The following COPB1 variants were observed in gnomAD, a reference collection of about 807,000 sequenced individuals.
The protein encoded by COPB1 is coat protein complex I subunit beta 1.
Under a neutral mutation model 108.7 loss-of-function variants are expected in COPB1, and 21 were observed. The ratio of observed to expected loss-of-function variants is 0.19; its 90% CI spans 0.14 to 0.28. The LOEUF is 0.28. COPB1 is among the 10% of genes least tolerant of loss of function. The pLI, the probability that COPB1 is intolerant of heterozygous loss-of-function variation, is 1.00. For missense variants in COPB1, 919 were observed against 1,141.3 expected (o/e 0.81, Z 2.81); for synonymous variants, 378 against 386.8 (o/e 0.98, Z 0.27).
At chr11:14,487,116 T>C (rs925106398) in intron 6 of COPB1, among the ~76,000 whole-genome samples, 1 of 152,234 alleles carries the variant, frequency 6.6e-6, no homozygotes, top group African/African-American at 2.4e-5. Flanking sequence ...TATTCAACAT[T>C]GGAGAGAAAA....
In COPB1 at chr11:14,488,477, G is replaced by C; in HGVS notation, c.699+15C>G. The C allele has an allele frequency of 6.4e-7, 1 of 1,551,608 alleles. No individual in the cohort carries two copies. Reference sequence around the variant, plus strand: ...TGCTGAGTTTATTTTACTCATCATAGATTATCATTCTTACCTTATAAATCA... The same window carrying C: ...TGCTGAGTTTATTTTACTCATCATACATTATCATTCTTACCTTATAAATCA... On this transcript the variant is annotated intron_variant, in intron 6 of 21. Coordinates refer to ENST00000439561, the MANE Select transcript of COPB1 (RefSeq NM_001144061.2).
At chr11:14,491,416 T>A (rs895602299) in intron 4 of COPB1, among the ~76,000 whole-genome samples, 4 of 151,636 alleles carry the variant, frequency 2.6e-5, no homozygotes, top group African/African-American at 9.7e-5. Flanking sequence ...ACACCTGTAA[T>A]CCCAGCACTT....
Position 14,486,392 on chromosome 11 carries a change from A to G in COPB1, c.812T>C (p.Leu271Pro). 1 of 1,614,150 alleles carries G rather than the reference A, an allele frequency of 6.2e-7. No homozygotes were observed. The highest frequency in any genetic ancestry group is 8.5e-7 in the Non-Finnish European group (1 of 1,180,010). ...KYEAAGTLVTLSSAPTAIKAA... is the reference protein window; with the variant it reads ...KYEAAGTLVTPSSAPTAIKAA... ...CTTGATTGCAGTTGGTGCACTAGAG[A>G]GTGTCACTAATGTCCCAGCAGCTTC... The change falls in exon 7 of 22, where the codon CTC becomes CCC. Residue 271 changes from leucine (L) to proline (P), a missense_variant. Around this residue, in one of 5 missense-constraint regions of COPB1, gnomAD observed 705 missense variants for 817.8 expected, o/e 0.86. Transcript: ENST00000439561.
At chr11:14,460,034 T>C (rs1272295085) in intron 20 of COPB1, 174 bp downstream of exon 20, 8 of 523,498 alleles carry the variant, frequency 1.5e-5, no homozygotes, top group East Asian at 1.3e-4. Flanking sequence ...TAGGATGGTA[T>C]AGTCCAATAG....
intron 17 of COPB1, 67 bp from the exon 18 acceptor site, chr11:14,465,097 A>ACG: frequency 7.0e-7 from 1 of 1,437,466 alleles, no homozygotes; most frequent in East Asian, 2.3e-5. Context: ...ACACACACAC[A>ACG]CACACACACA....
chr11:14,491,132 G>A (rs765216962), intron 4 of COPB1, among the ~76,000 whole-genome samples: 2 of 151,696 alleles, frequency 1.3e-5, no homozygotes, highest in South Asian at 2.1e-4. Context: ...TGCAACCTCC[G>A]CCTTCTAGGT....
intron 9 of COPB1, 28 bp from the exon 10 acceptor site, chr11:14,480,933 G>T: frequency 6.2e-7 from 1 of 1,613,374 alleles, no homozygotes; most frequent in Non-Finnish European, 8.5e-7. Flanking sequence ...AAATAAGTGA[G>T]AGTTACATCA....
chr11:14,493,582 A>G, intron 4 of COPB1, 60 bp downstream of exon 4: 1 of 1,383,344 alleles, frequency 7.2e-7, no homozygotes, highest in Non-Finnish European at 9.7e-7. Flanking sequence ...CTTTGGAACC[A>G]CTAGTCTAAA....
chr11:14,475,842 G>C lies in COPB1; in HGVS notation c.1559C>G (p.Thr520Ser). 4 of 1,613,552 alleles carry C rather than the reference G, an allele frequency of 2.5e-6. No homozygotes were observed. Among genetic ancestry groups the C allele is most frequent in the Non-Finnish European group, 3.4e-6 (4 of 1,179,808 alleles). Residue 520 changes from threonine (T) to serine (S), a missense_variant, in exon 13 of 22, where the codon ACC becomes AGC. By Grantham distance (58) the Thr-to-Ser change is moderately conservative (BLOSUM62 1). This residue lies in a region of COPB1 where 705 missense variants were observed against 817.8 expected (regional missense o/e 0.86). Coordinates refer to ENST00000439561, the MANE Select transcript of COPB1 (RefSeq NM_001144061.2). Reference sequence around the variant, plus strand: ...GCTAAGGGCACTCTGAGTTGCATAGGTACCCATTTCAGTAACCAATTTCTG... The same window carrying C: ...GCTAAGGGCACTCTGAGTTGCATAGCTACCCATTTCAGTAACCAATTTCTG... ...PVQKLVTEMG[T>S]YATQSALSSS...
At chr11:14,482,426 C>T (rs557222101) in intron 8 of COPB1, among the ~76,000 whole-genome samples, 3 of 152,018 alleles carry the variant, frequency 2.0e-5, no homozygotes, top group Non-Finnish European at 2.9e-5. Context: ...TAATTTTCCA[C>T]GAAATGTAAA....
chr11:14,483,624 A>G (rs1850709520), intron 7 of COPB1, among the ~76,000 whole-genome samples: 1 of 152,174 alleles, frequency 6.6e-6, no homozygotes, highest in African/African-American at 2.4e-5. Context: ...AGTATTTATA[A>G]TAACTATTAA....
At chr11:14,464,436 T>A (rs1342447921) in intron 18 of COPB1, among the ~76,000 whole-genome samples, 1 of 152,206 alleles carries the variant, frequency 6.6e-6, no homozygotes, top group Non-Finnish European at 1.5e-5. Context: ...GGTAGCCCTA[T>A]CCTTATGACA....
Position 14,457,667 on chromosome 11 carries a change from C to G in COPB1, c.*157G>C. 1 of 626,910 alleles carries G rather than the reference C, an allele frequency of 1.6e-6. No individual in the cohort carries two copies. The highest frequency in any genetic ancestry group is 2.9e-6 in the Non-Finnish European group (1 of 345,280). The allele number at this position is 626,910 out of a possible 1,614,324, so 38.8% of individuals were successfully genotyped here. A position where few individuals can be genotyped will look rare whatever the true frequency, so the allele number is the denominator to read the frequency against. On this transcript the variant is annotated 3_prime_UTR_variant, in exon 22 of 22. Coordinates refer to ENST00000439561, the MANE Select transcript of COPB1 (RefSeq NM_001144061.2). The stretch of plus-strand genomic sequence containing the variant: ...AAAAGACAAACTATAATTTTAAACT[C>G]AATCTTGATTTAAGGGAAAGGCTAT...
At position 14,469,418 on chromosome 11, in the gene COPB1, T is replaced by C. The variant is rs567395905; in HGVS notation, c.1883A>G (p.Asn628Ser). 347 of 1,614,208 alleles carry C rather than the reference T, an allele frequency of 2.1e-4. 2 individuals are homozygous for C. The South Asian group carries it at 3.6e-3, about 17-fold the overall frequency. ...KVLSECSPLM[N>S]DIFNKECRQS... The stretch of plus-strand genomic sequence containing the variant: ...TCTGCATTCCTTATTGAAAATGTCA[T>C]TCATTAAAGGTGAACATTCAGACAA... The change falls in exon 15 of 22, where the codon AAT (asparagine) becomes AGT (serine). Residue 628 changes from asparagine to serine, a missense_variant. This residue lies in a region of COPB1 where 705 missense variants were observed against 817.8 expected (regional missense o/e 0.86). Coordinates refer to ENST00000439561, the MANE Select transcript of COPB1 (RefSeq NM_001144061.2).
chr11:14,470,071 A>G (rs185970219), intron 14 of COPB1, among the ~76,000 whole-genome samples: 1 of 152,318 alleles, frequency 6.6e-6, no homozygotes, highest in African/African-American at 2.4e-5. Flanking sequence ...AAATTCAACA[A>G]TTCCAAAATA....
rs563546510 is a variant in COPB1, at chr11:14,466,031, C to A, written c.2290+251G>T. On this transcript the variant is annotated intron_variant, in intron 17 of 21. Transcript: ENST00000439561. ...ACAGCTCGTATTATAACTAGAAATA[C>A]TGACATTTGCTAGATTAAGCTTATT... is the stretch of plus-strand genomic sequence containing the variant. Among the ~76,000 whole-genome samples, 18 of 152,302 alleles carry A rather than the reference C, an allele frequency of 1.2e-4. No individual in the cohort carries two copies. In the South Asian group the frequency reaches 3.7e-3, roughly 32 times the overall value.
intron 4 of COPB1, 146 bp from the exon 5 acceptor site, chr11:14,490,825 TG>T (rs1850881522): frequency 2.2e-5 from 12 of 555,642 alleles, no homozygotes; most frequent in Non-Finnish European, 3.8e-5. Context: ...AGTCTCACTC[TG>T]TTGCCTGGGC....
At chr11:14,477,349 C>T (rs1850544115) in intron 11 of COPB1, among the ~76,000 whole-genome samples, 2 of 122,878 alleles carry the variant, frequency 1.6e-5, no homozygotes, top group African/African-American at 6.3e-5. Flanking sequence ...AAGATCGCGC[C>T]ACTGCACTCC....
chr11:14,485,644 C>T (rs1376842975), intron 7 of COPB1, among the ~76,000 whole-genome samples: 1 of 152,070 alleles, frequency 6.6e-6, no homozygotes, highest in African/African-American at 2.4e-5. Flanking sequence ...GTCAGGAGTT[C>T]AAGACCAGCC....
Sources: allele counts gnomAD v4.1 joint callset (sites outside exome capture counted in the v4.1 genomes callset), GRCh38; gene constraint gnomAD v4.1.1; regional missense constraint gnomAD v4.1.1; transcripts MANE v1.5; gene names NCBI Gene and HGNC (gene_info 2026-07-23, HGNC 2026-07-21).